Variants in OSBPL10 observed in about 807,000 individuals in gnomAD.
OSBPL10 encodes the protein oxysterol-binding protein-related protein 10.
Under a neutral mutation model 81.7 loss-of-function variants are expected in OSBPL10, and 49 were observed. That is an observed-to-expected ratio of 0.60 (90% CI 0.48 to 0.76). The LOEUF (loss-of-function observed/expected upper bound fraction) is 0.76. Among genes scored for constraint, OSBPL10 ranks in the 30% least tolerant of loss-of-function variants. OSBPL10 has a pLI of 0.00. For missense variants in OSBPL10, 923 were observed against 987.8 expected (o/e 0.93, Z 0.88); for synonymous variants, 419 against 383.6 (o/e 1.09, Z -1.08).
chr3:31,995,432 T>C (rs1031832498), intron 2 of OSBPL10, among the ~76,000 whole-genome samples: 1 of 152,210 alleles, frequency 6.6e-6, no homozygotes, highest in Non-Finnish European at 1.5e-5. Flanking sequence ...ATTTATAGGC[T>C]CTCTGCAAGA....
intron 3 of OSBPL10, among the ~76,000 whole-genome samples, chr3:31,831,337 C>T (rs1407483930): frequency 1.3e-5 from 2 of 150,566 alleles, no homozygotes; most frequent in South Asian, 2.1e-4. Flanking sequence ...ACCCAGGAGG[C>T]GGAGGTTGCA....
chr3:31,989,269 GAT>G lies in OSBPL10; in HGVS notation n.298+57220_298+57221del, dbSNP rs781420509. ...GAACTACAGGAACCTGCATTCTGTG[GAT>G]ATCTCTTCCAAATGCATGATGAAGA... On this transcript the variant is annotated intron_variant and non_coding_transcript_variant, in intron 2 of 3. Transcript: ENST00000479173. 8 of 1,614,028 alleles carry G rather than the reference GAT, an allele frequency of 5.0e-6. No individual in the cohort carries two copies. The African/African-American group carries it at 1.1e-4, about 22-fold the overall frequency.
chr3:31,989,209 A>G, intron 2 of OSBPL10: 2 of 1,614,202 alleles, frequency 1.2e-6, no homozygotes, highest in African/African-American at 1.3e-5. Context: ...CCTGGACCCT[A>G]CGCAGAGGGC....
intron 1 of OSBPL10, among the ~76,000 whole-genome samples, chr3:31,930,869 C>A (rs9857433): frequency 0.034 from 5,158 of 151,648 alleles, 312 homozygotes; most frequent in African/African-American, 0.12. Flanking sequence ...AAAAAATTAG[C>A]TGGGCGTGGT....
chr3:32,054,429 AT>A (rs1398199339), intron 1 of OSBPL10, among the ~76,000 whole-genome samples: 1 of 151,598 alleles, frequency 6.6e-6, no homozygotes, highest in Admixed American at 6.6e-5. Context: ...AACTCCTATA[AT>A]TCTTATATGA....
intron 4 of OSBPL10, among the ~76,000 whole-genome samples, chr3:31,811,592 C>T (rs958207439): frequency 3.3e-5 from 5 of 152,170 alleles, no homozygotes; most frequent in Non-Finnish European, 7.4e-5. Flanking sequence ...TCCTAAATGT[C>T]TTGCTACAGA....
intron 11 of OSBPL10, chr3:31,663,316 G>C (rs1264262204): frequency 1.0e-6 from 1 of 985,274 alleles, no homozygotes; most frequent in Non-Finnish European, 1.2e-6. Context: ...TTTATCACTG[G>C]AAGATGAGTG....
chr3:32,017,185 G>C (rs933300163), intron 2 of OSBPL10, among the ~76,000 whole-genome samples: 1 of 152,114 alleles, frequency 6.6e-6, no homozygotes, highest in African/African-American at 2.4e-5. Context: ...TTTCATTTGA[G>C]CTTCTGGAAA....
At position 31,857,754 on chromosome 3, in the gene OSBPL10, G is replaced by A. The variant is rs376534231; in HGVS notation, c.537+18679C>T. Among the ~76,000 whole-genome samples the A allele has an allele frequency of 9.9e-4, 133 of 134,604 alleles. 2 individuals are homozygous for A. Among genetic ancestry groups the A allele is most frequent in the Middle Eastern group, 7.1e-3 (2 of 280 alleles). 88.3% of individuals were successfully genotyped at this position (134,604 alleles called of 152,430 possible). ...TGGCAACCACTACTACTAGCCTCTC[G>A]TGTGTCCTTCCAAAGATTGGCAGGG... On this transcript the variant is annotated intron_variant, in intron 3 of 11. Coordinates refer to ENST00000396556, the MANE Select transcript of OSBPL10 (RefSeq NM_017784.5).
intron 1 of OSBPL10, among the ~76,000 whole-genome samples, chr3:31,980,015 T>G (rs1163223042): frequency 1.3e-5 from 2 of 148,468 alleles, no homozygotes; most frequent in Non-Finnish European, 3.0e-5. Context: ...TATTTATTTA[T>G]TTTTTTTGAG....
chr3:31,974,372 T>G (rs938012766), intron 1 of OSBPL10, among the ~76,000 whole-genome samples: 13 of 152,182 alleles, frequency 8.5e-5, no homozygotes, highest in Non-Finnish European at 1.8e-4. Context: ...AAGCTGGACA[T>G]GAGCAAACAC....
chr3:31,706,307 C>T (rs957729342), intron 6 of OSBPL10, among the ~76,000 whole-genome samples: 1 of 152,172 alleles, frequency 6.6e-6, no homozygotes, highest in East Asian at 1.9e-4. Flanking sequence ...CCACCCCCAT[C>T]CTTGAAATTT....
At chr3:31,783,885 ATT>A (rs1698791769) in intron 4 of OSBPL10, among the ~76,000 whole-genome samples, 1 of 137,162 alleles carries the variant, frequency 7.3e-6, no homozygotes, top group Admixed American at 7.6e-5. Context: ...AATTAAAAAA[ATT>A]TGAGTTTCTA....
chr3:31,791,058 C>T (rs1477353236), intron 4 of OSBPL10, among the ~76,000 whole-genome samples: 6 of 151,220 alleles, frequency 4.0e-5, no homozygotes, highest in African/African-American at 1.5e-4. Context: ...TGATTCTGGT[C>T]CACTTGAATC....
rs765655889 is a variant in OSBPL10 at position 31,747,994 on chromosome 3, G to C, written c.856C>G (p.Leu286Val). The change falls in exon 5 of 12, where the codon CTC (leucine) becomes GTC (valine). Residue 286 changes from leucine (L) to valine (V), a missense_variant. By Grantham distance (32) the Leu-to-Val change is conservative. This residue lies in a region of OSBPL10 where 514 missense variants were observed against 508.0 expected (regional missense o/e 1.01). Coordinates refer to ENST00000396556, the MANE Select transcript of OSBPL10 (RefSeq NM_017784.5). ...TTGAGGCACTCCCCAAGGCAGCTGAGGGTGGCAGCAGAGGTAGCTTTCAGG... is the reference window on the plus strand; with the variant it reads ...TTGAGGCACTCCCCAAGGCAGCTGACGGTGGCAGCAGAGGTAGCTTTCAGG... The part of the protein sequence containing the change: ...LLLKATSAAT[L>V]SCLGECLNLL... The C allele has an allele frequency of 5.6e-6, 9 of 1,614,092 alleles. No homozygotes were observed. Among genetic ancestry groups the C allele is most frequent in the African/African-American group, 1.3e-5 (1 of 74,934 alleles).
At chr3:31,928,611 AC>A (rs1157977915) in intron 1 of OSBPL10, among the ~76,000 whole-genome samples, 1 of 152,036 alleles carries the variant, frequency 6.6e-6, no homozygotes, top group Non-Finnish European at 1.5e-5. Flanking sequence ...CCCTGTCTCT[AC>A]TAAAAATATA....
chr3:31,936,197 T>C (rs998329037), intron 1 of OSBPL10, among the ~76,000 whole-genome samples: 2 of 152,218 alleles, frequency 1.3e-5, no homozygotes, highest in African/African-American at 2.4e-5. Context: ...CTTTCTCCTA[T>C]TTTCATTTTT....
intron 2 of OSBPL10, among the ~76,000 whole-genome samples, chr3:32,011,792 T>A (rs1378817522): frequency 2.0e-5 from 3 of 152,140 alleles, no homozygotes; most frequent in Non-Finnish European, 4.4e-5. Flanking sequence ...AACTACGTGA[T>A]GAATGCACAA....
intron 2 of OSBPL10, among the ~76,000 whole-genome samples, chr3:32,032,699 T>C (rs537716208): frequency 8.5e-5 from 13 of 152,346 alleles, no homozygotes; most frequent in African/African-American, 3.1e-4. Flanking sequence ...TTAATTCTAT[T>C]GAACAGTTGA....
Sources: gnomAD v4.1 joint callset for allele counts (sites outside exome capture counted in the v4.1 genomes callset) on GRCh38, gnomAD v4.1.1 for gene constraint, gnomAD v4.1.1 regional missense constraint, MANE v1.5 for transcripts, NCBI Gene and HGNC (gene_info 2026-07-23, HGNC 2026-07-21) for gene names.